The following TMEM132D variants were observed in gnomAD, a reference collection of about 807,000 sequenced individuals.
TMEM132D encodes transmembrane protein 132D.
Under a neutral mutation model 62.3 loss-of-function variants are expected in TMEM132D, and 21 were observed. The ratio of observed to expected loss-of-function variants is 0.34; its 90% CI spans 0.24 to 0.49. The LOEUF (loss-of-function observed/expected upper bound fraction) is 0.49, where lower values mean the gene tolerates loss of function less well. Ranked by LOEUF, TMEM132D falls within the 20% of genes least tolerant of loss-of-function variation. The pLI is 0.99. For missense variants in TMEM132D, 1,346 were observed against 1,402.8 expected (o/e 0.96, Z 0.65); for synonymous variants, 621 against 575.6 (o/e 1.08, Z -1.13).
At chr12:129,689,043 G>A (rs1384466710) in intron 2 of TMEM132D, among the ~76,000 whole-genome samples, 2 of 152,200 alleles carry the variant, frequency 1.3e-5, no homozygotes, top group East Asian at 3.9e-4. Context: ...TCAGAGGCCA[G>A]AGATGCTTCT....
At chr12:129,537,158 T>TAAAAAAAAAAAAAAA (rs10635477) in intron 2 of TMEM132D, among the ~76,000 whole-genome samples, 25 of 114,328 alleles carry the variant, frequency 2.2e-4, no homozygotes, top group African/African-American at 7.1e-4. Flanking sequence ...AAACTCTGTC[T>TAAAAAAAAAAAAAAA]AAAAAAAAAA....
At chr12:129,540,915 G>A (rs1876566802) in intron 2 of TMEM132D, among the ~76,000 whole-genome samples, 1 of 152,236 alleles carries the variant, frequency 6.6e-6, no homozygotes, top group South Asian at 2.1e-4. Flanking sequence ...TTCCAGGCAT[G>A]AGCTATCACT....
chr12:129,434,368 A>G (rs1872735647), intron 3 of TMEM132D, among the ~76,000 whole-genome samples: 1 of 152,246 alleles, frequency 6.6e-6, no homozygotes, highest in African/African-American at 2.4e-5. Flanking sequence ...ACATGGCCGA[A>G]TGAATATGGA....
intron 4 of TMEM132D, among the ~76,000 whole-genome samples, chr12:129,314,719 C>CA (rs1436340988): frequency 6.6e-6 from 1 of 152,070 alleles, no homozygotes; most frequent in Admixed American, 6.5e-5. Context: ...GCAGTGTGGT[C>CA]ATTTTCACAA....
intron 1 of TMEM132D, among the ~76,000 whole-genome samples, chr12:129,823,150 T>C (rs999716778): frequency 5.9e-5 from 9 of 152,194 alleles, no homozygotes; most frequent in African/African-American, 2.2e-4. Flanking sequence ...TCCTTTTCCT[T>C]CTACCATGAT....
chr12:129,497,406 C>T (rs970959280), intron 3 of TMEM132D, among the ~76,000 whole-genome samples: 3 of 152,322 alleles, frequency 2.0e-5, no homozygotes, highest in Non-Finnish European at 2.9e-5. Context: ...CCCTGCTCCA[C>T]GACTCCACCT....
At chr12:129,281,980 G>A (rs538416665) in intron 4 of TMEM132D, among the ~76,000 whole-genome samples, 15 of 152,196 alleles carry the variant, frequency 9.9e-5, no homozygotes, top group East Asian at 1.9e-4. Context: ...CCGTGAACCC[G>A]CTCCATTGCC....
chr12:129,365,026 G>A (rs1035567592), intron 3 of TMEM132D, among the ~76,000 whole-genome samples: 1 of 152,132 alleles, frequency 6.6e-6, no homozygotes, highest in African/African-American at 2.4e-5. Context: ...TTCTACTCAG[G>A]CAATTCAACT....
At chr12:129,696,801 A>T (rs1881218685) in intron 2 of TMEM132D, among the ~76,000 whole-genome samples, 1 of 152,236 alleles carries the variant, frequency 6.6e-6, no homozygotes, top group African/African-American at 2.4e-5. Flanking sequence ...TTAGCTGTTC[A>T]CTTGAAGGAA....
At chr12:129,466,762 C>T (rs1873920621) in intron 3 of TMEM132D, among the ~76,000 whole-genome samples, 1 of 152,194 alleles carries the variant, frequency 6.6e-6, no homozygotes, top group Admixed American at 6.5e-5. Context: ...TACTTGTTCT[C>T]ATGTATTATT....
chr12:129,843,198 A>G (rs973409597), intron 1 of TMEM132D, among the ~76,000 whole-genome samples: 1 of 152,226 alleles, frequency 6.6e-6, no homozygotes, highest in Non-Finnish European at 1.5e-5. Flanking sequence ...GAGAATCTCC[A>G]GTGTGTCTGA....
chr12:129,115,981 A>G (rs1875880912), intron 5 of TMEM132D, among the ~76,000 whole-genome samples: 1 of 151,864 alleles, frequency 6.6e-6, no homozygotes, highest in Non-Finnish European at 1.5e-5. Context: ...CAAGGGACAC[A>G]CTCTTTTGTG....
chr12:129,086,263 T>C (rs192488488), intron 5 of TMEM132D, among the ~76,000 whole-genome samples: 188 of 152,246 alleles, frequency 1.2e-3, no homozygotes, highest in African/African-American at 4.4e-3. Flanking sequence ...AATTCGTATA[T>C]ATTTAGGGCG....
In TMEM132D at chr12:129,615,269, T is replaced by C. The variant is rs1472812241; in HGVS notation, c.969-84064A>G. 2.0e-5 allele frequency among the ~76,000 whole-genome samples: 3 copies of C among 152,272 alleles called. No individual in the cohort carries two copies. The East Asian group carries it at 5.8e-4, about 29-fold the overall frequency. On this transcript the variant is annotated intron_variant, in intron 2 of 8. Transcript: ENST00000422113. ...TGAATTATTTCACCTCTAGGCAGACTCTGGAGTCCACAGCAACCTCATCAT... is the reference window on the plus strand; with the variant it reads ...TGAATTATTTCACCTCTAGGCAGACCCTGGAGTCCACAGCAACCTCATCAT...
At chr12:129,192,013 CT>C (rs1878419680) in intron 5 of TMEM132D, among the ~76,000 whole-genome samples, 1 of 152,250 alleles carries the variant, frequency 6.6e-6, no homozygotes, top group Non-Finnish European at 1.5e-5. Context: ...ATCATATCTT[CT>C]GAACCCTGGG....
At chr12:129,646,318 G>C (rs1267380348) in intron 2 of TMEM132D, among the ~76,000 whole-genome samples, 1 of 152,170 alleles carries the variant, frequency 6.6e-6, no homozygotes, top group Non-Finnish European at 1.5e-5. Context: ...GGGCGATGCA[G>C]TATGTCCAAG....
chr12:129,291,953 G>T (rs1881460148), intron 4 of TMEM132D, among the ~76,000 whole-genome samples: 1 of 152,112 alleles, frequency 6.6e-6, no homozygotes, highest in Admixed American at 6.5e-5. Flanking sequence ...TTTTAAGGGG[G>T]ATGGGGGGAG....
intron 3 of TMEM132D, among the ~76,000 whole-genome samples, chr12:129,397,125 T>C (rs1871453808): frequency 6.6e-6 from 1 of 152,218 alleles, no homozygotes; most frequent in South Asian, 2.1e-4. Context: ...TATTGTCCTG[T>C]TTTTCTGGTT....
At chr12:129,727,118 T>C (rs1048582923) in intron 1 of TMEM132D, among the ~76,000 whole-genome samples, 2 of 152,258 alleles carry the variant, frequency 1.3e-5, no homozygotes, top group African/African-American at 2.4e-5. Flanking sequence ...GTAGATTTTT[T>C]ATTTTGATGT....
Sources: allele counts gnomAD v4.1 joint callset (sites outside exome capture counted in the v4.1 genomes callset), GRCh38; gene constraint gnomAD v4.1.1; transcripts MANE v1.5; gene names NCBI Gene and HGNC (gene_info 2026-07-23, HGNC 2026-07-21).